Variants in PRUNE2 observed in about 807,000 individuals in gnomAD.
PRUNE2 encodes the protein protein prune homolog 2.
In PRUNE2, 164 loss-of-function variants were observed where a neutral mutation model predicts 252.0. That is an observed-to-expected ratio of 0.65 (90% confidence interval 0.57 to 0.74). PRUNE2 has a LOEUF of 0.74. Ranked by LOEUF, PRUNE2 falls within the 30% of genes least tolerant of loss-of-function variation. The pLI, the probability that PRUNE2 is intolerant of heterozygous loss-of-function variation, is 0.00. For missense variants in PRUNE2, 3,495 were observed against 3,711.0 expected (o/e 0.94, Z 1.51); for synonymous variants, 1,292 against 1,350.2 (o/e 0.96, Z 0.94).
intron 11 of PRUNE2, among the ~76,000 whole-genome samples, chr9:76,647,535 G>A (rs891475951): frequency 6.6e-6 from 1 of 152,092 alleles, no homozygotes; most frequent in African/African-American, 2.4e-5. Flanking sequence ...GGACTTCATT[G>A]AAATTAAAAC....
chr9:76,843,186 G>A (rs56223457), intron 4 of PRUNE2, among the ~76,000 whole-genome samples: 13,240 of 152,130 alleles, frequency 0.087, 718 homozygotes, highest in East Asian at 0.15. Flanking sequence ...ACACTGATGA[G>A]GCTGGAAACC....
chr9:76,727,005 G>C (rs536415088), intron 6 of PRUNE2, among the ~76,000 whole-genome samples: 1 of 152,174 alleles, frequency 6.6e-6, no homozygotes, highest in Non-Finnish European at 1.5e-5. Flanking sequence ...ACCTAAATTC[G>C]TAACAGATAA....
Position 76,707,183 on chromosome 9 carries a change from T to G in PRUNE2, c.5091A>C (p.Ser1697=), listed in dbSNP as rs2046371936. The change falls in exon 8 of 19, where the codon TCA becomes TCC. Residue 1697 remains serine (S), a synonymous_variant. Coordinates refer to ENST00000376718, the MANE Select transcript of PRUNE2 (RefSeq NM_015225.3). The part of the protein sequence containing the change: ...SDDDSVGGEE[S]IEEEIQVANC... Reference sequence around the variant, plus strand: ...TGGCCACCTGGATCTCTTCCTCTATTGACTCTTCACCACCGACACTGTCAT... The same window carrying G: ...TGGCCACCTGGATCTCTTCCTCTATGGACTCTTCACCACCGACACTGTCAT... 1.2e-6 allele frequency: 2 copies of G among 1,613,990 alleles called. No individual in the cohort carries two copies. Among genetic ancestry groups the G allele is most frequent in the East Asian group, 2.2e-5 (1 of 44,884 alleles).
Position 76,700,831 on chromosome 9 carries a change from T to C in PRUNE2, c.8276+2506A>G, listed in dbSNP as rs74386926. Among the ~76,000 whole-genome samples, 15 of 152,328 alleles carry C rather than the reference T, an allele frequency of 9.8e-5. No individual in the cohort carries two copies. In the East Asian group the frequency reaches 2.9e-3, roughly 29 times the overall value. ...ATCTCTCCTCTTATTTCCTCACTTG[T>C]ATAATTCTTGTCTCGCAGGGTTGCC... On this transcript the variant is annotated intron_variant, in intron 9 of 18. Coordinates refer to ENST00000376718, the MANE Select transcript of PRUNE2 (RefSeq NM_015225.3).
At chr9:76,790,110 C>T (rs1224388356) in intron 6 of PRUNE2, among the ~76,000 whole-genome samples, 1 of 152,166 alleles carries the variant, frequency 6.6e-6, no homozygotes, top group Non-Finnish European at 1.5e-5. Context: ...TTTGAATGCT[C>T]TTTTTCTCCA....
intron 6 of PRUNE2, chr9:76,778,686 G>A (rs1188535785): frequency 6.6e-6 from 1 of 152,206 alleles, no homozygotes; most frequent in Non-Finnish European, 1.5e-5. Flanking sequence ...GATCTATAAA[G>A]TGGGATATAG....
At chr9:76,669,533 T>C (rs1006199251) in intron 9 of PRUNE2, among the ~76,000 whole-genome samples, 5 of 152,128 alleles carry the variant, frequency 3.3e-5, no homozygotes, top group Admixed American at 2.0e-4. Flanking sequence ...TTGCCCAGGC[T>C]AGTCTTGAAC....
Position 76,701,339 on chromosome 9 carries a change from C to G in PRUNE2, c.8276+1998G>C, listed in dbSNP as rs2045873540. 1.3e-5 allele frequency among the ~76,000 whole-genome samples: 2 copies of G among 152,194 alleles called. 1 individual carries two copies. Among genetic ancestry groups the G allele is most frequent in the Non-Finnish European group, 2.9e-5 (2 of 68,024 alleles). ...ATAATACACATGCCGGAGGGAAAATCTGCCCCATCCCCATTGTGAGAAAAG... is the reference window on the plus strand; with the variant it reads ...ATAATACACATGCCGGAGGGAAAATGTGCCCCATCCCCATTGTGAGAAAAG... On this transcript the variant is annotated intron_variant, in intron 9 of 18. Coordinates refer to ENST00000376718, the MANE Select transcript of PRUNE2 (RefSeq NM_015225.3).
chr9:76,657,372 G>C (rs1849637935), intron 9 of PRUNE2, among the ~76,000 whole-genome samples: 2 of 152,188 alleles, frequency 1.3e-5, no homozygotes, highest in South Asian at 4.1e-4. Flanking sequence ...ATTTCTATCT[G>C]CCTGACAGAG....
At chr9:76,653,818 A>G (rs982822413) in intron 10 of PRUNE2, among the ~76,000 whole-genome samples, 4 of 152,158 alleles carry the variant, frequency 2.6e-5, no homozygotes, top group African/African-American at 9.6e-5. Context: ...TTCCCATAAC[A>G]TAAGTGACAA....
intron 4 of PRUNE2, among the ~76,000 whole-genome samples, chr9:76,828,593 A>G (rs531284770): frequency 6.6e-6 from 1 of 152,344 alleles, no homozygotes; most frequent in Admixed American, 6.5e-5. Flanking sequence ...AGAAAAAAGG[A>G]AAGAACAGTC....
intron 7 of PRUNE2, among the ~76,000 whole-genome samples, chr9:76,711,990 C>G (rs2046769855): frequency 6.6e-6 from 1 of 152,296 alleles, no homozygotes; most frequent in Middle Eastern, 3.4e-3. Flanking sequence ...GAGGCCAGAA[C>G]TGGGTTACGG....
chr9:76,827,264 T>A (rs972975577), intron 4 of PRUNE2, among the ~76,000 whole-genome samples: 3 of 152,216 alleles, frequency 2.0e-5, no homozygotes, highest in African/African-American at 4.8e-5. Context: ...CGTCCATTTC[T>A]GATCTCCCAA....
intron 17 of PRUNE2, among the ~76,000 whole-genome samples, chr9:76,622,116 C>A (rs757090652): frequency 6.6e-6 from 1 of 152,180 alleles, no homozygotes; most frequent in African/African-American, 2.4e-5. Context: ...GAACCCACTG[C>A]TCAACAGCAA....
intron 6 of PRUNE2, among the ~76,000 whole-genome samples, chr9:76,804,408 G>T (rs1017320923): frequency 6.6e-6 from 1 of 152,124 alleles, no homozygotes; most frequent in Admixed American, 6.5e-5. Context: ...CCTCTAAGAG[G>T]GTGAGAGGTT....
At chr9:76,757,574 T>G (rs1161716963) in intron 6 of PRUNE2, among the ~76,000 whole-genome samples, 2 of 152,014 alleles carry the variant, frequency 1.3e-5, no homozygotes, top group Non-Finnish European at 2.9e-5. Context: ...ACTGCCAGAG[T>G]GAAGGGCTCA....
intron 4 of PRUNE2, among the ~76,000 whole-genome samples, chr9:76,845,643 T>C (rs1413269789): frequency 6.6e-6 from 1 of 152,256 alleles, no homozygotes; most frequent in Admixed American, 6.5e-5. Flanking sequence ...ACAGAGTCCT[T>C]AAAAGAGTTG....
At chr9:76,628,638 TAGTAA>T (rs1256241299) in intron 16 of PRUNE2, among the ~76,000 whole-genome samples, 1 of 152,114 alleles carries the variant, frequency 6.6e-6, no homozygotes, top group Non-Finnish European at 1.5e-5. Context: ...TCCAAAGTGG[TAGTAA>T]AGTTCAAGCT....
rs1238686995 is a variant in PRUNE2 at position 76,619,341 on chromosome 9, CCTT to C, written c.9232_9234del (p.Lys3078del). On this transcript the variant is annotated inframe_deletion and splice_region_variant, in exon 18 of 19. Transcript: ENST00000376718. ...CTGTTATTGATGGTGAATTCTTACT[CCTT>C]CTCCATAGAAGACATTTCTGGATCA... The C allele has an allele frequency of 1.3e-6, 2 of 1,595,884 alleles. No homozygotes were observed. The highest frequency in any genetic ancestry group is 1.7e-5 in the Admixed American group (1 of 59,194).
Sources: allele counts gnomAD v4.1 joint callset (sites outside exome capture counted in the v4.1 genomes callset), GRCh38; gene constraint gnomAD v4.1.1; transcripts MANE v1.5; gene names NCBI Gene and HGNC (gene_info 2026-07-23, HGNC 2026-07-21).